CNTN1: variants seen among roughly 807,000 people sequenced by gnomAD.
CNTN1 encodes contactin 1.
A neutral mutation model predicts 126.4 loss-of-function variants in CNTN1; 38 were observed. The observed-to-expected ratio is 0.30, with a 90% CI of 0.23 to 0.39. The LOEUF (loss-of-function observed/expected upper bound fraction) is 0.39, where lower values mean the gene tolerates loss of function less well. CNTN1 is among the 10% of genes least tolerant of loss of function. The pLI, the probability that CNTN1 is intolerant of heterozygous loss-of-function variation, is 1.00. For missense variants in CNTN1, 1,009 were observed against 1,248.4 expected, an observed-to-expected ratio of 0.81 and a Z score of 2.89; for synonymous variants, 413 against 422.6, an observed-to-expected ratio of 0.98 and a Z score of 0.28.
chr12:40,943,705 T>C lies in CNTN1; in HGVS notation c.1488T>C (p.Thr496=). The change falls in exon 13 of 24, where the codon ACT becomes ACC. Residue 496 remains threonine, a synonymous_variant. Transcript: ENST00000551295. ...AENNRGKANS[T]GTLVITDPTR... ...ATAACAGAGGGAAAGCTAATAGCAC[T>C]GGAACCCTTGTTATCACAGGTAAGT... The C allele has an allele frequency of 5.0e-6, 8 of 1,612,840 alleles. No homozygotes were observed. The highest frequency in any genetic ancestry group is 5.9e-6 in the Non-Finnish European group (7 of 1,179,184).
At chr12:40,973,678 G>A (rs1181499972) in intron 15 of CNTN1, among the ~76,000 whole-genome samples, 1 of 152,110 alleles carries the variant, frequency 6.6e-6, no homozygotes, top group East Asian at 1.9e-4. Flanking sequence ...TATATTAAAT[G>A]TATGTGCTAT....
At chr12:41,044,560 T>A (rs1168295791) in intron 23 of CNTN1, among the ~76,000 whole-genome samples, 1 of 151,678 alleles carries the variant, frequency 6.6e-6, no homozygotes, top group Non-Finnish European at 1.5e-5. Flanking sequence ...TTGAAATCTA[T>A]GAGGCAAATC....
At chr12:40,816,572 T>C (rs1338010393) in intron 1 of CNTN1, among the ~76,000 whole-genome samples, 1 of 151,430 alleles carries the variant, frequency 6.6e-6, no homozygotes, top group Non-Finnish European at 1.5e-5. Context: ...TTGTTATTTA[T>C]TTATTTTTTT....
chr12:40,939,609 T>A, intron 12 of CNTN1, 124 bp downstream of exon 12: 1 of 1,023,128 alleles, frequency 9.8e-7, no homozygotes, highest in Admixed American at 2.1e-5. Context: ...TCACAGAAGA[T>A]CCTGTAGTTC....
chr12:40,765,291 G>A (rs1311838196), intron 1 of CNTN1, among the ~76,000 whole-genome samples: 1 of 152,132 alleles, frequency 6.6e-6, no homozygotes, highest in African/African-American at 2.4e-5. Flanking sequence ...CGAGTAATAT[G>A]TCAAATTTGG....
At chr12:40,836,431 T>C (rs1942063535) in intron 1 of CNTN1, among the ~76,000 whole-genome samples, 1 of 151,776 alleles carries the variant, frequency 6.6e-6, no homozygotes, top group African/African-American at 2.4e-5. Context: ...ATTTATTAAT[T>C]AGTAAATATT....
At chr12:40,986,299 A>T (rs1014836615) in intron 16 of CNTN1, among the ~76,000 whole-genome samples, 5 of 152,166 alleles carry the variant, frequency 3.3e-5, no homozygotes, top group Non-Finnish European at 5.9e-5. Flanking sequence ...AATTCCAAAC[A>T]TTGTGTATAG....
chr12:40,876,677 C>T (rs1325067566), intron 1 of CNTN1, among the ~76,000 whole-genome samples: 1 of 152,052 alleles, frequency 6.6e-6, no homozygotes, highest in Non-Finnish European at 1.5e-5. Context: ...TATACCAAAA[C>T]ATTTCCTATT....
intron 23 of CNTN1, among the ~76,000 whole-genome samples, chr12:41,053,428 A>AACATATATAT (rs71434344): frequency 1.6e-5 from 1 of 64,116 alleles, no homozygotes; most frequent in Non-Finnish European, 2.8e-5. Context: ...GTTTTCACTA[A>AACATATATAT]ATATATATAT....
chr12:40,952,413 G>A (rs1946722943), intron 14 of CNTN1, among the ~76,000 whole-genome samples: 1 of 152,168 alleles, frequency 6.6e-6, no homozygotes, highest in South Asian at 2.1e-4. Flanking sequence ...CTAGCACATT[G>A]CTAGACATTT....
intron 15 of CNTN1, among the ~76,000 whole-genome samples, chr12:40,973,401 C>T (rs1337968622): frequency 6.6e-6 from 1 of 152,058 alleles, no homozygotes; most frequent in East Asian, 1.9e-4. Context: ...AAGATGTCTC[C>T]TGCCCTAATA....
intron 23 of CNTN1, among the ~76,000 whole-genome samples, chr12:41,066,878 G>C (rs2121147186): frequency 6.6e-6 from 1 of 152,250 alleles, no homozygotes; most frequent in East Asian, 1.9e-4. Flanking sequence ...AAGAGATATA[G>C]TACTCCAAAT....
intron 1 of CNTN1, among the ~76,000 whole-genome samples, chr12:40,888,054 A>G (rs1336542753): frequency 2.0e-5 from 3 of 150,926 alleles, no homozygotes; most frequent in African/African-American, 7.3e-5. Context: ...TAGGAGATAT[A>G]CCTAATGCTA....
At chr12:40,800,612 A>G (rs779329734) in intron 1 of CNTN1, among the ~76,000 whole-genome samples, 2 of 152,036 alleles carry the variant, frequency 1.3e-5, no homozygotes, top group Non-Finnish European at 2.9e-5. Context: ...CGGCTTAATC[A>G]TTGAGAGTAC....
At chr12:40,907,301 G>A (rs942377559) in intron 1 of CNTN1, among the ~76,000 whole-genome samples, 2 of 152,154 alleles carry the variant, frequency 1.3e-5, no homozygotes, top group African/African-American at 2.4e-5. Flanking sequence ...ACTTTTTCAC[G>A]TTTAATAGCA....
intron 17 of CNTN1, among the ~76,000 whole-genome samples, chr12:40,995,961 G>T (rs997955143): frequency 6.6e-6 from 1 of 152,184 alleles, no homozygotes; most frequent in Admixed American, 6.5e-5. Flanking sequence ...CCCAGCTAAT[G>T]TGAGGCAGAG....
intron 1 of CNTN1, among the ~76,000 whole-genome samples, chr12:40,887,202 A>G (rs1944068968): frequency 1.3e-5 from 2 of 152,118 alleles, no homozygotes; most frequent in African/African-American, 4.8e-5. Context: ...ACCCATGAGC[A>G]TGGAATGTTC....
chr12:41,033,584 C>T lies in CNTN1; in HGVS notation c.2980+4365C>T, dbSNP rs138583140. 1.1e-4 allele frequency among the ~76,000 whole-genome samples: 16 copies of T among 152,066 alleles called. No homozygotes were observed. In the East Asian group the frequency reaches 1.9e-3, roughly 18 times the overall value. The stretch of plus-strand genomic sequence containing the variant: ...ATTTTAGAGTCTGAACATTTTTCTA[C>T]GGAAAAGAAGTAGTCATTTGAAATT... On this transcript the variant is annotated intron_variant, in intron 23 of 23. Coordinates refer to ENST00000551295, the MANE Select transcript of CNTN1 (RefSeq NM_001843.4).
chr12:40,841,151 G>A (rs549806893), intron 1 of CNTN1, among the ~76,000 whole-genome samples: 1 of 151,920 alleles, frequency 6.6e-6, no homozygotes, highest in Admixed American at 6.6e-5. Context: ...AAGATCATCA[G>A]AGAACTATTA....
Sources: gnomAD v4.1 joint callset for allele counts (sites outside exome capture counted in the v4.1 genomes callset) on GRCh38, gnomAD v4.1.1 for gene constraint, MANE v1.5 for transcripts, NCBI Gene and HGNC (gene_info 2026-07-23, HGNC 2026-07-21) for gene names.